The following CHD8 variants were observed in gnomAD, a reference collection of about 807,000 sequenced individuals.
CHD8 encodes the protein chromodomain helicase DNA binding protein 8, also known as ATP-dependent chromatin remodeler CHD8.
A neutral mutation model predicts 279.2 loss-of-function variants in CHD8; 31 were observed. The observed-to-expected ratio is 0.11, with a 90% CI of 0.08 to 0.15. CHD8 has a LOEUF of 0.15. Among genes scored for constraint, CHD8 ranks in the 10% least tolerant of loss-of-function variants. CHD8 has a pLI of 1.00. For synonymous variants in CHD8, 1,081 were observed against 1,139.6 expected, an observed-to-expected ratio of 0.95 and a Z score of 1.04; for missense variants, 2,146 against 3,230.5, an observed-to-expected ratio of 0.66 and a Z score of 8.14.
rs769451087 is a variant in CHD8, at chr14:21,407,125, A to G, written c.2731-93T>C. The G allele has an allele frequency of 2.0e-4, 201 of 1,027,690 alleles. 1 individual carries two copies. The highest frequency in any genetic ancestry group is 2.7e-4 in the Non-Finnish European group (194 of 719,336). The allele number at this position is 1,027,690 out of a possible 1,614,324, so 63.7% of individuals were successfully genotyped here. On this transcript the variant is annotated intron_variant, in intron 13 of 37. Transcript: ENST00000646647. The stretch of plus-strand genomic sequence containing the variant: ...ACTTGCCTATATTAAGGCATGTTTA[A>G]TAGGCAATACAAACTGCACCACCAC...
Position 21,393,797 on chromosome 14 carries a change from G to T in CHD8, c.5998C>A (p.Arg2000Ser). 1.2e-6 allele frequency: 2 copies of T among 1,613,924 alleles called. No homozygotes were observed. Among genetic ancestry groups the T allele is most frequent in the Non-Finnish European group, 1.7e-6 (2 of 1,179,874 alleles). ...GACTTTTCAACAGGAGCATCTGGGCGCAGGGGCAGTGGTGAGGCAGTGCGT... is the reference window on the plus strand; with the variant it reads ...GACTTTTCAACAGGAGCATCTGGGCTCAGGGGCAGTGGTGAGGCAGTGCGT... Reference protein sequence around the residue: ...TSRTASPLPLRPDAPVEKSPE... With the variant: ...TSRTASPLPLSPDAPVEKSPE... Residue 2000 changes from arginine to serine, a missense_variant, in exon 32 of 38, where the codon CGC (arginine) becomes AGC (serine). Arg to Ser is a moderately radical substitution (Grantham distance 110). This residue lies in a region of CHD8 where 513 missense variants were observed against 637.6 expected (regional missense o/e 0.80). Transcript: ENST00000646647.
At chr14:21,407,196 CTGAA>C (rs1342624470) in intron 13 of CHD8, among the ~76,000 whole-genome samples, 164 bp from the exon 14 acceptor site, 2 of 152,194 alleles carry the variant, frequency 1.3e-5, no homozygotes, top group Non-Finnish European at 2.9e-5. Flanking sequence ...TGCCATATCA[CTGAA>C]TGTAAGATAC....
chr14:21,407,131 A>T, intron 13 of CHD8, 99 bp from the exon 14 acceptor site: 1 of 929,938 alleles, frequency 1.1e-6, no homozygotes. Flanking sequence ...TTTAATAGGC[A>T]ATACAAACTG....
At position 21,437,061 on chromosome 14, in the gene CHD8, C is replaced by A; in HGVS notation, c.-215-5203G>T. ...TGGGGATGGCCAAGACGGGAAGATG[C>A]GGGGGGTGGGGGGTGTGGATGCCCG... On this transcript the variant is annotated intron_variant, in intron 1 of 37. Coordinates refer to ENST00000646647, the MANE Select transcript of CHD8 (RefSeq NM_001170629.2). 15 of 117,568 alleles carry A rather than the reference C, an allele frequency of 1.3e-4. 1 individual carries two copies. The highest frequency in any genetic ancestry group is 8.5e-4 in the South Asian group (15 of 17,684). 7.3% of individuals were successfully genotyped at this position (117,568 alleles called of 1,614,324 possible).
rs769294192 is a variant in CHD8 at position 21,402,086 on chromosome 14, T to C, written c.3933A>G (p.Ala1311=). ...CATCTTCCTCCATGATGGCTGCATA[T>C]GCTCCTTTTCTTAAAAGATCTTCAA... ...KEIEDLLRKG[A]YAAIMEEDDE... is the part of the protein sequence containing the mutation. The change falls in exon 20 of 38, where the codon GCA becomes GCG. Residue 1311 remains alanine (A), a synonymous_variant. Transcript: ENST00000646647. This position sits in a 1 kb window ranked among gnomAD's most constrained non-coding sequence, Gnocchi z 4.5. 3 of 1,612,588 alleles carry C rather than the reference T, an allele frequency of 1.9e-6. No homozygotes were observed. The highest frequency in any genetic ancestry group is 8.5e-7 in the Non-Finnish European group (1 of 1,179,550).
At chr14:21,388,220 T>C (rs1023870654) in intron 37 of CHD8, among the ~76,000 whole-genome samples, 11 of 152,242 alleles carry the variant, frequency 7.2e-5, no homozygotes, top group Non-Finnish European at 1.5e-4. Context: ...TTAAAAGATA[T>C]TCCATGTGGT....
intron 13 of CHD8, among the ~76,000 whole-genome samples, chr14:21,407,473 G>A (rs1467850069): frequency 6.6e-6 from 1 of 151,926 alleles, no homozygotes; most frequent in Non-Finnish European, 1.5e-5. Context: ...ATTAAAAGCT[G>A]CAAAATATGA....
In CHD8 at chr14:21,431,427, T is replaced by C. The variant is rs932374041; in HGVS notation, c.217A>G (p.Thr73Ala). Residue 73 changes from threonine (T) to alanine (A), a missense_variant, in exon 2 of 38, where the codon ACA (threonine) becomes GCA (alanine). Thr to Ala is a moderately conservative substitution (Grantham distance 58). Coordinates refer to ENST00000646647, the MANE Select transcript of CHD8 (RefSeq NM_001170629.2). ...TCTTTGGAAAGTTCTGTGGGAGCTG[T>C]TTCCTCTGGTGGAGGGACCAGTTCA... ...ASELVPPPEE[T>A]APTELSKEST... 8.5e-6 allele frequency: 13 copies of C among 1,537,090 alleles called. No homozygotes were observed. The African/African-American group carries it at 1.6e-4, about 19-fold the overall frequency.
In CHD8 at chr14:21,431,615, T is replaced by A. The variant is rs755040002; in HGVS notation, c.29A>T (p.Asp10Val). Residue 10 changes from aspartate to valine, a missense_variant, in exon 2 of 38, where the codon GAT (aspartate) becomes GTT (valine). Transcript: ENST00000646647. MADPIMDLF[D>V]DPNLFGLDSL... ...GTCCAGGCCAAATAAATTTGGGTCA[T>A]CGAACAGATCCATGATGGGGTCTGC... The A allele has an allele frequency of 2.6e-6, 4 of 1,538,014 alleles. No individual in the cohort carries two copies. Among genetic ancestry groups the A allele is most frequent in the Non-Finnish European group, 3.5e-6 (4 of 1,146,946 alleles).
chr14:21,448,946 G>A (rs898593923), intron 1 of CHD8, among the ~76,000 whole-genome samples: 2 of 151,500 alleles, frequency 1.3e-5, no homozygotes, highest in South Asian at 2.1e-4. Context: ...AGGCCGAGGC[G>A]GGCAGATCAC....
chr14:21,428,907 A>T (rs1433546412), intron 3 of CHD8, 57 bp downstream of exon 3: 1 of 1,557,610 alleles, frequency 6.4e-7, no homozygotes, highest in Non-Finnish European at 8.7e-7. Flanking sequence ...TGAGGGCAAC[A>T]GCAATGGACT....
intron 1 of CHD8, among the ~76,000 whole-genome samples, chr14:21,435,002 T>C (rs758347107): frequency 2.3e-4 from 35 of 152,282 alleles, no homozygotes; most frequent in Non-Finnish European, 4.0e-4. Flanking sequence ...GTTAAGTTGG[T>C]TTCAATGCAA....
Position 21,428,993 on chromosome 14 carries a change from C to G in CHD8, c.1186G>C (p.Val396Leu), listed in dbSNP as rs761895822. 4.0e-5 allele frequency: 64 copies of G among 1,613,854 alleles called. No individual in the cohort carries two copies. The Admixed American group carries it at 4.3e-4, about 11-fold the overall frequency. The part of the protein sequence containing the change: ...PGQSPGQRLS[V>L]PVKVVLQPQA... ...GGCTGCAGTACCACCTTGACTGGTA[C>G]TGAAAGTCTTTGTCCTGGGCTTTGT... The change falls in exon 3 of 38, where the codon GTA (valine) becomes CTA (leucine). Residue 396 changes from valine (V) to leucine (L), a missense_variant. This residue lies in a region of CHD8 where 170 missense variants were observed against 189.9 expected (regional missense o/e 0.90). Transcript: ENST00000646647.
intron 20 of CHD8, 44 bp downstream of exon 20, chr14:21,401,913 C>A (rs1410359507): frequency 2.6e-6 from 4 of 1,513,822 alleles, no homozygotes; most frequent in Admixed American, 2.1e-5. Flanking sequence ...CCTAGAGATT[C>A]CGGTCTCTGT....
In CHD8 at chr14:21,394,439, A is replaced by T; in HGVS notation, c.5437T>A (p.Phe1813Ile). The T allele has an allele frequency of 6.2e-7, 1 of 1,612,734 alleles. No homozygotes were observed. The highest frequency in any genetic ancestry group is 8.5e-7 in the Non-Finnish European group (1 of 1,179,264). The change falls in exon 31 of 38, where the codon TTT becomes ATT. Residue 1813 changes from phenylalanine to isoleucine, a missense_variant. By Grantham distance (21) the Phe-to-Ile change is conservative (BLOSUM62 0). Transcript: ENST00000646647. The stretch of plus-strand genomic sequence containing the variant: ...GTGTCAGGGTCATATTCCACACCAA[A>T]CGTAGACACCACTCGATAAAAATCA... ...QTDFYRVVST[F>I]GVEYDPDTMQ...
intron 1 of CHD8, among the ~76,000 whole-genome samples, chr14:21,448,692 G>A (rs1042023089): frequency 6.6e-6 from 1 of 151,674 alleles, no homozygotes. Context: ...GAGTAGCTGG[G>A]ACTACAGGCG....
intron 37 of CHD8, chr14:21,386,449 T>C (rs1293329760): frequency 2.0e-6 from 1 of 490,078 alleles, no homozygotes; most frequent in South Asian, 2.7e-5. Context: ...CCCATGACTA[T>C]ATTGTATCTT....
At chr14:21,406,117 CAG>C (rs1181512959) in intron 14 of CHD8, among the ~76,000 whole-genome samples, 1 of 152,092 alleles carries the variant, frequency 6.6e-6, no homozygotes, top group Non-Finnish European at 1.5e-5. Context: ...AATTAAAAAA[CAG>C]TAATTCTGAT....
chr14:21,394,229 G>A (rs199912058), intron 31 of CHD8, 34 bp from the exon 32 acceptor site: 428 of 1,611,682 alleles, frequency 2.7e-4, no homozygotes, highest in Non-Finnish European at 3.4e-4. Context: ...AATTAACAGA[G>A]TTGCTTCTGT....
Sources: gnomAD v4.1 joint callset for allele counts (sites outside exome capture counted in the v4.1 genomes callset) on GRCh38, gnomAD v4.1.1 for gene constraint, gnomAD v4.1.1 regional missense constraint, Gnocchi (gnomAD v3.1) non-coding constraint, MANE v1.5 for transcripts, NCBI Gene and HGNC (gene_info 2026-07-23, HGNC 2026-07-21) for gene names.